ACVR2A: variants seen among roughly 807,000 people sequenced by gnomAD.
ACVR2A encodes the protein activin A receptor type 2A, also known as activin receptor type-2A.
In ACVR2A, 7 loss-of-function variants were observed where a neutral mutation model predicts 61.4. The ratio of observed to expected loss-of-function variants is 0.11; its 90% CI spans 0.06 to 0.21. The LOEUF is 0.21. Among genes scored for constraint, ACVR2A ranks in the 10% least tolerant of loss-of-function variants. The pLI is 1.00. For missense variants in ACVR2A, 322 were observed against 621.7 expected, an observed-to-expected ratio of 0.52 and a Z score of 5.13; for synonymous variants, 193 against 208.3, an observed-to-expected ratio of 0.93 and a Z score of 0.63.
chr2:147,858,401 C>G (rs1685641375), intron 1 of ACVR2A, among the ~76,000 whole-genome samples: 2 of 152,046 alleles, frequency 1.3e-5, no homozygotes, highest in Non-Finnish European at 2.9e-5. Context: ...CATAAACAAC[C>G]AAATATTAGA....
intron 5 of ACVR2A, among the ~76,000 whole-genome samples, chr2:147,916,917 AAGG>A (rs1426742190): frequency 1.3e-5 from 2 of 151,952 alleles, no homozygotes; most frequent in East Asian, 1.9e-4. Flanking sequence ...TTCATCTTTC[AAGG>A]AGATTATTCT....
intron 4 of ACVR2A, among the ~76,000 whole-genome samples, chr2:147,906,151 C>G (rs188593954): frequency 6.6e-6 from 1 of 152,002 alleles, no homozygotes; most frequent in Admixed American, 6.6e-5. Flanking sequence ...AGACCTTGTT[C>G]TTTCATTCCT....
intron 1 of ACVR2A, among the ~76,000 whole-genome samples, chr2:147,859,271 C>G (rs1001048036): frequency 1.3e-5 from 2 of 152,094 alleles, no homozygotes; most frequent in East Asian, 1.9e-4. Flanking sequence ...TCCCTGATCT[C>G]TCTTCTACCT....
At chr2:147,866,617 C>T (rs776162060) in intron 1 of ACVR2A, among the ~76,000 whole-genome samples, 1 of 151,938 alleles carries the variant, frequency 6.6e-6, no homozygotes, top group African/African-American at 2.4e-5. Context: ...TAATGGGAGA[C>T]GAGTCTGCAG....
At chr2:147,919,447 C>T (rs1259787120) in intron 7 of ACVR2A, among the ~76,000 whole-genome samples, 1 of 152,116 alleles carries the variant, frequency 6.6e-6, no homozygotes, top group Non-Finnish European at 1.5e-5. Flanking sequence ...TATTAAGGGC[C>T]TGAAAGTCTT....
intron 1 of ACVR2A, among the ~76,000 whole-genome samples, chr2:147,893,680 G>A (rs1241378249): frequency 6.6e-6 from 1 of 152,098 alleles, no homozygotes; most frequent in Non-Finnish European, 1.5e-5. Context: ...TTGCTCTTTG[G>A]CAAAGGACCT....
intron 1 of ACVR2A, among the ~76,000 whole-genome samples, chr2:147,852,356 G>A (rs1036332166): frequency 6.6e-6 from 1 of 151,954 alleles, no homozygotes; most frequent in Non-Finnish European, 1.5e-5. Context: ...AACATTGATC[G>A]TGACCCATTA....
chr2:147,853,214 A>G (rs1413386887), intron 1 of ACVR2A, among the ~76,000 whole-genome samples: 2 of 152,134 alleles, frequency 1.3e-5, no homozygotes, highest in African/African-American at 4.8e-5. Context: ...AAAGACATGT[A>G]TTTGGAAAAA....
chr2:147,902,979 A>C (rs1471157430), intron 4 of ACVR2A: 2 of 151,924 alleles, frequency 1.3e-5, no homozygotes, highest in Non-Finnish European at 1.5e-5. Flanking sequence ...GCTTTGGCTA[A>C]AGGATGGTTT....
intron 1 of ACVR2A, among the ~76,000 whole-genome samples, chr2:147,864,705 G>A (rs181196246): frequency 4.2e-4 from 64 of 152,238 alleles, no homozygotes; most frequent in African/African-American, 1.5e-3. Context: ...GAATTTAAGG[G>A]ATGGAATTTA....
At position 147,845,165 on chromosome 2, in the gene ACVR2A, G is replaced by A; in HGVS notation, c.13G>A (p.Ala5Thr). The A allele has an allele frequency of 6.2e-7, 1 of 1,613,552 alleles. No individual in the cohort carries two copies. Among genetic ancestry groups the A allele is most frequent in the Middle Eastern group, 1.7e-4 (1 of 5,882 alleles). MGAA[A>T]KLAFAVFLIS... is the part of the protein sequence containing the mutation. The stretch of plus-strand genomic sequence containing the variant: ...GCGCCTCGGGAAAATGGGAGCTGCT[G>A]CAAAGTTGGCGTTTGCCGTCTTTCT... The change falls in exon 1 of 11, where the codon GCA becomes ACA. Residue 5 changes from alanine to threonine, a missense_variant. Coordinates refer to ENST00000241416, the MANE Select transcript of ACVR2A (RefSeq NM_001616.5).
chr2:147,847,131 A>G (rs993383497), intron 1 of ACVR2A, among the ~76,000 whole-genome samples: 4 of 152,126 alleles, frequency 2.6e-5, no homozygotes, highest in African/African-American at 4.8e-5. Flanking sequence ...ATTTTGAAAT[A>G]AAGTGATTTT....
chr2:147,887,908 A>G (rs1286170987), intron 1 of ACVR2A, among the ~76,000 whole-genome samples: 1 of 152,224 alleles, frequency 6.6e-6, no homozygotes, highest in Non-Finnish European at 1.5e-5. Flanking sequence ...TTTATTATGC[A>G]TACCTTGAGA....
chr2:147,894,786 T>G (rs983581316), intron 1 of ACVR2A, among the ~76,000 whole-genome samples: 6 of 152,164 alleles, frequency 3.9e-5, no homozygotes, highest in Non-Finnish European at 8.8e-5. Context: ...CAGGTTCACT[T>G]GGTTTACTTT....
rs1687351042 is a variant in ACVR2A, at chr2:147,920,400, A to G, written c.1077+56A>G. The G allele has an allele frequency of 8.9e-6, 12 of 1,347,356 alleles. No homozygotes were observed. In the East Asian group the frequency reaches 2.5e-4, roughly 29 times the overall value. The allele number at this position is 1,347,356 out of a possible 1,614,324, so 83.5% of individuals were successfully genotyped here. ...AAATAAACTTGTTCCATATTTTCTT[A>G]GAATGGCATGTCAGGACTGAATTAG... On this transcript the variant is annotated intron_variant, in intron 8 of 10. Transcript: ENST00000241416.
At chr2:147,902,082 TA>T (rs1686883009) in intron 4 of ACVR2A, among the ~76,000 whole-genome samples, 2 of 151,950 alleles carry the variant, frequency 1.3e-5, no homozygotes, top group African/African-American at 2.4e-5. Context: ...AAGCATAAAA[TA>T]TTTTTTTTCA....
intron 4 of ACVR2A, among the ~76,000 whole-genome samples, chr2:147,907,499 C>T (rs571692847): frequency 6.6e-6 from 1 of 152,118 alleles, no homozygotes; most frequent in East Asian, 1.9e-4. Context: ...CTCGCCAGCA[C>T]CTGTTGTTTC....
intron 4 of ACVR2A, among the ~76,000 whole-genome samples, chr2:147,903,167 A>G (rs1018906421): frequency 1.3e-5 from 2 of 151,784 alleles, no homozygotes; most frequent in African/African-American, 2.4e-5. Flanking sequence ...GTCTTTCATT[A>G]TGGTTCCTAG....
intron 4 of ACVR2A, among the ~76,000 whole-genome samples, chr2:147,908,361 C>T (rs986949609): frequency 1.1e-4 from 17 of 152,214 alleles, no homozygotes; most frequent in South Asian, 2.1e-4. Context: ...GTGCTGGCTA[C>T]CTTGAGGTGC....
Sources: gnomAD v4.1 joint callset for allele counts (sites outside exome capture counted in the v4.1 genomes callset) on GRCh38, gnomAD v4.1.1 for gene constraint, MANE v1.5 for transcripts, NCBI Gene and HGNC (gene_info 2026-07-23, HGNC 2026-07-21) for gene names.